Variants in TP53BP1 observed in about 807,000 individuals in gnomAD.
TP53BP1 encodes the protein TP53-binding protein 1.
Under a neutral mutation model 200.8 loss-of-function variants are expected in TP53BP1, and 61 were observed. The observed-to-expected ratio is 0.30, with a 90% CI of 0.25 to 0.38. The LOEUF (loss-of-function observed/expected upper bound fraction) is 0.38, where lower values mean the gene tolerates loss of function less well. Among genes scored for constraint, TP53BP1 ranks in the 10% least tolerant of loss-of-function variants. TP53BP1 has a pLI of 1.00. For missense variants in TP53BP1, 2,144 were observed against 2,371.9 expected, an observed-to-expected ratio of 0.90 and a Z score of 2.00; for synonymous variants, 822 against 844.3, an observed-to-expected ratio of 0.97 and a Z score of 0.46.
chr15:43,487,643 A>C (rs1207834184), intron 4 of TP53BP1, among the ~76,000 whole-genome samples: 1 of 152,098 alleles, frequency 6.6e-6, no homozygotes, highest in Non-Finnish European at 1.5e-5. Context: ...AAATACAAAA[A>C]TTAGCCAGGC....
intron 4 of TP53BP1, among the ~76,000 whole-genome samples, chr15:43,489,143 T>C (rs763356090): frequency 1.3e-5 from 2 of 152,250 alleles, no homozygotes; most frequent in Admixed American, 1.3e-4. Flanking sequence ...ACGTTATATA[T>C]ATTTTTTCTC....
At chr15:43,463,264 AG>A (rs1360134582) in intron 11 of TP53BP1, among the ~76,000 whole-genome samples, 4 of 152,192 alleles carry the variant, frequency 2.6e-5, no homozygotes, top group African/African-American at 9.7e-5. Flanking sequence ...ATCTTGGTAA[AG>A]GGTCAAAGAG....
rs1336052010 is a variant in TP53BP1, at chr15:43,461,883, C to T, written c.1390-4665G>A. Among the ~76,000 whole-genome samples the T allele has an allele frequency of 4.6e-5, 7 of 151,150 alleles. No homozygotes were observed. In the East Asian group the frequency reaches 5.9e-4, roughly 13 times the overall value. ...TGGGGTTTCACCGTGTTGGCCAGGC[C>T]GGTCTCAAACTCCTGACCTCAAGTG... On this transcript the variant is annotated intron_variant, in intron 11 of 27. Coordinates refer to ENST00000382044, the MANE Select transcript of TP53BP1 (RefSeq NM_001141980.3).
chr15:43,469,786 T>G, intron 11 of TP53BP1, 72 bp downstream of exon 11: 1 of 1,234,980 alleles, frequency 8.1e-7, no homozygotes, highest in Middle Eastern at 2.1e-4. Context: ...TTTTATGGTA[T>G]GTAAATTATA....
At chr15:43,461,515 G>C (rs1224090759) in intron 11 of TP53BP1, among the ~76,000 whole-genome samples, 1 of 152,068 alleles carries the variant, frequency 6.6e-6, no homozygotes, top group Non-Finnish European at 1.5e-5. Context: ...ACCTCGTCCG[G>C]CCAAGATAAT....
At chr15:43,483,519 C>T (rs185996450) in intron 4 of TP53BP1, among the ~76,000 whole-genome samples, 1 of 152,128 alleles carries the variant, frequency 6.6e-6, no homozygotes, top group Non-Finnish European at 1.5e-5. Flanking sequence ...CAGATGACAT[C>T]TTTGCTTCCT....
At chr15:43,447,622 T>G (rs8027748) in intron 12 of TP53BP1, 137 bp from the exon 13 acceptor site, 1 of 852,374 alleles carries the variant, frequency 1.2e-6, no homozygotes, top group Middle Eastern at 3.8e-4. Context: ...AAATTCTGTC[T>G]CATTGCCACC....
Position 43,457,303 on chromosome 15 carries a change from T to C in TP53BP1, c.1390-85A>G. The C allele has an allele frequency of 3.2e-6, 4 of 1,239,452 alleles. No individual in the cohort carries two copies. The South Asian group carries it at 7.3e-5, about 23-fold the overall frequency. The allele number at this position is 1,239,452 out of a possible 1,614,324, so 76.8% of individuals were successfully genotyped here. A position where few individuals can be genotyped will look rare whatever the true frequency, so the allele number is the denominator to read the frequency against. The stretch of plus-strand genomic sequence containing the variant: ...CGAATCCTTGGATTCATATAAAATT[T>C]CTAAAATCAAATTTCTAAATCAAAT... On this transcript the variant is annotated intron_variant, in intron 11 of 27. Coordinates refer to ENST00000382044, the MANE Select transcript of TP53BP1 (RefSeq NM_001141980.3).
chr15:43,439,509 C>G (rs2045878519), intron 15 of TP53BP1, among the ~76,000 whole-genome samples: 1 of 152,094 alleles, frequency 6.6e-6, no homozygotes. Context: ...GCACTGCAGC[C>G]TGGTTGACAA....
intron 21 of TP53BP1, among the ~76,000 whole-genome samples, chr15:43,419,936 C>G (rs1031591673): frequency 2.0e-5 from 3 of 151,454 alleles, no homozygotes; most frequent in African/African-American, 7.3e-5. Flanking sequence ...CAAATAAAGT[C>G]TAAAGTTTTG....
intron 15 of TP53BP1, 41 bp downstream of exon 15, chr15:43,441,485 A>G: frequency 4.5e-6 from 6 of 1,327,948 alleles, no homozygotes; most frequent in Non-Finnish European, 6.5e-6. Flanking sequence ...CATCACCAGT[A>G]GCTGTGTATT....
chr15:43,471,938 C>CTACAA (rs1595599751), intron 10 of TP53BP1, among the ~76,000 whole-genome samples: 1 of 152,048 alleles, frequency 6.6e-6, no homozygotes, highest in Non-Finnish European at 1.5e-5. Context: ...ATTTGGATAC[C>CTACAA]TACAACTGAT....
intron 21 of TP53BP1, among the ~76,000 whole-genome samples, chr15:43,419,536 CTTTTTTT>C (rs34159488): frequency 4.1e-5 from 3 of 73,404 alleles, no homozygotes; most frequent in African/African-American, 1.8e-4. Flanking sequence ...ATTTATGTTC[CTTTTTTT>C]TTTTTTTTTT....
rs2044881556 is a variant in TP53BP1, at chr15:43,406,432, A to C, written c.*951T>G. 1.4e-5 allele frequency: 5 copies of C among 346,742 alleles called. No homozygotes were observed. Among genetic ancestry groups the C allele is most frequent in the Non-Finnish European group, 2.8e-5 (5 of 175,764 alleles). The allele number at this position is 346,742 out of a possible 1,614,324, so 21.5% of individuals were successfully genotyped here. Reference sequence around the variant, plus strand: ...TGCTGTCTCTGGAGCAGGAGCTGGCAAACTATGGCCTGCTGTCTGTTTTTG... The same window carrying C: ...TGCTGTCTCTGGAGCAGGAGCTGGCCAACTATGGCCTGCTGTCTGTTTTTG... On this transcript the variant is annotated 3_prime_UTR_variant, in exon 28 of 28. Transcript: ENST00000382044.
intron 24 of TP53BP1, chr15:43,412,874 G>A: frequency 1.7e-6 from 1 of 582,612 alleles, no homozygotes; most frequent in South Asian, 1.7e-5. Flanking sequence ...CCATAAAATA[G>A]ATAAGATCTA....
chr15:43,507,565 T>G (rs2079244185), intron 1 of TP53BP1, among the ~76,000 whole-genome samples: 1 of 152,244 alleles, frequency 6.6e-6, no homozygotes, highest in Non-Finnish European at 1.5e-5. Flanking sequence ...GCACACTTCC[T>G]AAATTCAATA....
chr15:43,492,783 T>C (rs2140159876), intron 1 of TP53BP1, among the ~76,000 whole-genome samples: 1 of 123,452 alleles, frequency 8.1e-6, no homozygotes, highest in African/African-American at 3.1e-5. Flanking sequence ...CACGTCCTTC[T>C]GGCGCCTCTA....
intron 17 of TP53BP1, among the ~76,000 whole-genome samples, chr15:43,429,863 ACAAT>A (rs1418912514): frequency 2.0e-5 from 3 of 152,192 alleles, no homozygotes; most frequent in Non-Finnish European, 4.4e-5. Context: ...GCCTGCACAC[ACAAT>A]CAGACTATTC....
At chr15:43,409,346 T>C (rs2142941701) in intron 25 of TP53BP1, 1 of 576,288 alleles carries the variant, frequency 1.7e-6, no homozygotes, top group Non-Finnish European at 3.1e-6. Flanking sequence ...ACCTATGAAC[T>C]CAGCCTTTCA....
Sources: allele counts gnomAD v4.1 joint callset (sites outside exome capture counted in the v4.1 genomes callset), GRCh38; gene constraint gnomAD v4.1.1; transcripts MANE v1.5; gene names NCBI Gene and HGNC (gene_info 2026-07-23, HGNC 2026-07-21).